Variants in MYRIP observed in about 807,000 individuals in gnomAD.
MYRIP encodes rab effector MyRIP.
In MYRIP, 49 loss-of-function variants were observed where a neutral mutation model predicts 98.0. That is an observed-to-expected ratio of 0.50 (90% confidence interval 0.40 to 0.63). MYRIP has a LOEUF of 0.63. Among genes scored for constraint, MYRIP ranks in the 30% least tolerant of loss-of-function variants. The pLI is 0.00. For synonymous variants in MYRIP, 404 were observed against 409.5 expected (o/e 0.99, Z 0.16); for missense variants, 1,004 against 1,058.2 (o/e 0.95, Z 0.71).
intron 2 of MYRIP, among the ~76,000 whole-genome samples, chr3:39,929,785 A>G (rs111513097): frequency 6.3e-4 from 95 of 151,836 alleles, no homozygotes; most frequent in Middle Eastern, 3.2e-3. Context: ...TGCCCTATGG[A>G]TTTGACTATT....
chr3:40,155,058 G>A (rs575341530), intron 4 of MYRIP, among the ~76,000 whole-genome samples: 2 of 151,852 alleles, frequency 1.3e-5, no homozygotes, highest in East Asian at 1.9e-4. Flanking sequence ...AGTTACATAT[G>A]TATACATGTG....
In MYRIP at chr3:40,131,601, C is replaced by A. The variant is rs1056029685; in HGVS notation, c.333-19447C>A. Among the ~76,000 whole-genome samples the A allele has an allele frequency of 2.0e-5, 3 of 152,144 alleles. No individual in the cohort carries two copies. In the South Asian group the frequency reaches 6.2e-4, roughly 32 times the overall value. On this transcript the variant is annotated intron_variant, in intron 3 of 16. Coordinates refer to ENST00000302541, the MANE Select transcript of MYRIP (RefSeq NM_015460.4). ...TTCCTTCCTCTTACTTGGAAAATTT[C>A]ATCAAAGTTGTAGTATCTTCTCCAT... is the stretch of plus-strand genomic sequence containing the variant.
chr3:39,938,088 C>T (rs748251634), intron 2 of MYRIP, among the ~76,000 whole-genome samples: 8 of 152,094 alleles, frequency 5.3e-5, no homozygotes, highest in Non-Finnish European at 1.0e-4. Context: ...GCCTGTGTAA[C>T]CAGCACACAG....
Position 40,251,959 on chromosome 3 carries a change from A to AC in MYRIP, c.2508dup (p.Arg837GlnfsTer3). The AC allele has an allele frequency of 6.2e-7, 1 of 1,613,418 alleles. No individual in the cohort carries two copies. The highest frequency in any genetic ancestry group is 8.5e-7 in the Non-Finnish European group (1 of 1,179,408). ...TTCATTCTCCAAGGCTCCTCAACAA[A>AC]CAGGACTAAGGAAAGGAAAGGCACC... On this transcript the variant is annotated frameshift_variant, in exon 16 of 17. Transcript: ENST00000302541. LOFTEE classifies it high-confidence loss of function.
At chr3:39,869,770 C>T (rs910452000) in intron 1 of MYRIP, among the ~76,000 whole-genome samples, 2 of 152,198 alleles carry the variant, frequency 1.3e-5, no homozygotes, top group Non-Finnish European at 2.9e-5. Context: ...ATCCCCTCCC[C>T]CAAACTCCTC....
intron 3 of MYRIP, among the ~76,000 whole-genome samples, chr3:40,130,045 G>C (rs945121432): frequency 1.3e-5 from 2 of 152,104 alleles, no homozygotes; most frequent in Non-Finnish European, 1.5e-5. Context: ...ACAACACAAT[G>C]ATTTTAAATT....
At chr3:39,886,313 G>A (rs1943302432) in intron 1 of MYRIP, among the ~76,000 whole-genome samples, 1 of 150,966 alleles carries the variant, frequency 6.6e-6, no homozygotes, top group South Asian at 2.1e-4. Flanking sequence ...ACATCATAAT[G>A]ACAGGATCAA....
chr3:40,097,928 T>A (rs1282025797), intron 3 of MYRIP, among the ~76,000 whole-genome samples: 3 of 152,238 alleles, frequency 2.0e-5, no homozygotes, highest in African/African-American at 7.2e-5. Context: ...GGAATTCAGC[T>A]GGAAGAGTGT....
chr3:39,864,044 A>G (rs1377547559), intron 1 of MYRIP, among the ~76,000 whole-genome samples: 2 of 152,236 alleles, frequency 1.3e-5, no homozygotes, highest in Non-Finnish European at 2.9e-5. Context: ...ACTAAAAACA[A>G]AAATCATATG....
intron 3 of MYRIP, among the ~76,000 whole-genome samples, chr3:40,129,815 CGAAT>C (rs1247543986): frequency 6.6e-6 from 1 of 152,076 alleles, no homozygotes. Context: ...TTGTTTTAGT[CGAAT>C]GAGCCAAAAT....
intron 2 of MYRIP, among the ~76,000 whole-genome samples, chr3:39,976,178 A>G (rs559979513): frequency 6.6e-6 from 1 of 152,166 alleles, no homozygotes; most frequent in Non-Finnish European, 1.5e-5. Flanking sequence ...TTCAGAATCT[A>G]CAATGAACTC....
chr3:39,824,426 A>G (rs899758066), intron 1 of MYRIP, among the ~76,000 whole-genome samples: 4 of 152,000 alleles, frequency 2.6e-5, no homozygotes, highest in African/African-American at 9.7e-5. Context: ...ATTTCATTGA[A>G]TCTGTAGGTT....
At chr3:40,083,993 C>T (rs544006505) in intron 3 of MYRIP, among the ~76,000 whole-genome samples, 33 of 151,450 alleles carry the variant, frequency 2.2e-4, no homozygotes, top group South Asian at 8.4e-4. Context: ...AAAAATTAGC[C>T]GGGTGTGGTG....
chr3:39,874,404 T>G (rs989334932), intron 1 of MYRIP, among the ~76,000 whole-genome samples: 5 of 151,834 alleles, frequency 3.3e-5, no homozygotes, highest in Non-Finnish European at 5.9e-5. Flanking sequence ...AGAGAGGGCA[T>G]CCCTGTCTTC....
At chr3:40,085,487 G>A (rs1948608682) in intron 3 of MYRIP, among the ~76,000 whole-genome samples, 1 of 152,050 alleles carries the variant, frequency 6.6e-6, no homozygotes, top group Non-Finnish European at 1.5e-5. Context: ...GTTTCATCAT[G>A]TTGGCAAGGC....
chr3:39,895,912 G>A (rs1175052806), intron 1 of MYRIP, among the ~76,000 whole-genome samples: 2 of 107,924 alleles, frequency 1.9e-5, no homozygotes, highest in Non-Finnish European at 3.6e-5. Context: ...GTGTGTGTGT[G>A]TGTGGTGTGT....
chr3:39,960,901 T>C (rs1331491337), intron 2 of MYRIP, among the ~76,000 whole-genome samples: 1 of 152,188 alleles, frequency 6.6e-6, no homozygotes, highest in African/African-American at 2.4e-5. Flanking sequence ...CTCCCCCTCA[T>C]GAGTGTTGTG....
rs146100731 is a variant in MYRIP, at chr3:40,221,946, G to A, written c.1905+11853G>A. On this transcript the variant is annotated intron_variant, in intron 11 of 16. Coordinates refer to ENST00000302541, the MANE Select transcript of MYRIP (RefSeq NM_015460.4). Reference sequence around the variant, plus strand: ...GAGATGGAGTTCAGATAACAGATGGGACATAGGCATTGGAACAGCAAAGAT... The same window carrying A: ...GAGATGGAGTTCAGATAACAGATGGAACATAGGCATTGGAACAGCAAAGAT... Among the ~76,000 whole-genome samples, 5 of 152,294 alleles carry A rather than the reference G, an allele frequency of 3.3e-5. No individual in the cohort carries two copies. The East Asian group carries it at 9.7e-4, about 29-fold the overall frequency.
At chr3:39,866,493 G>A (rs111276556) in intron 1 of MYRIP, among the ~76,000 whole-genome samples, 7,837 of 151,832 alleles carry the variant, frequency 0.052, 235 homozygotes, top group African/African-American at 0.068. Context: ...TTTTTGAGAC[G>A]GAGTTTCGCT....
Sources: allele counts gnomAD v4.1 joint callset (sites outside exome capture counted in the v4.1 genomes callset), GRCh38; gene constraint gnomAD v4.1.1; transcripts MANE v1.5; gene names NCBI Gene and HGNC (gene_info 2026-07-23, HGNC 2026-07-21).